Variants in ATRX observed in about 807,000 individuals in gnomAD.
ATRX encodes chromatin remodeler ATRX.
Under a neutral mutation model 172.6 loss-of-function variants are expected in ATRX, and 12 were observed. The ratio of observed to expected loss-of-function variants is 0.07; its 90% CI spans 0.04 to 0.11. The LOEUF (loss-of-function observed/expected upper bound fraction) is 0.11, where lower values mean the gene tolerates loss of function less well. Ranked by LOEUF, ATRX falls within the 10% of genes least tolerant of loss-of-function variation. ATRX has a pLI of 1.00. For missense variants in ATRX, 1,368 were observed against 1,767.4 expected, an observed-to-expected ratio of 0.77 and a Z score of 4.05; for synonymous variants, 674 against 594.7, an observed-to-expected ratio of 1.13 and a Z score of -1.94.
chrX:77,758,424 G>A (rs1172350110), intron 1 of ATRX, among the ~76,000 whole-genome samples: 1 of 105,961 alleles, frequency 9.4e-6, no homozygotes, highest in East Asian at 3.0e-4. Context: ...GTGCAAAATA[G>A]AAGTTACCTA....
At chrX:77,663,825 G>A (rs1260097079) in intron 11 of ATRX, among the ~76,000 whole-genome samples, 1 of 111,552 alleles carries the variant, frequency 9.0e-6, no homozygotes, top group African/African-American at 3.3e-5. Flanking sequence ...TTTAGGGCCG[G>A]GTGCAGTGGC....
chrX:77,649,191 G>A (rs187536883), intron 15 of ATRX, among the ~76,000 whole-genome samples: 2 of 109,537 alleles, frequency 1.8e-5, no homozygotes, highest in East Asian at 2.9e-4. Context: ...AGAAAGAAAG[G>A]AAGGAAGGAA....
chrX:77,579,777 A>T (rs1262247616), intron 27 of ATRX, among the ~76,000 whole-genome samples: 1 of 112,303 alleles, frequency 8.9e-6, no homozygotes, highest in Non-Finnish European at 1.9e-5. Flanking sequence ...CATAAGCATC[A>T]AGACCATTTA....
Position 77,718,389 on chromosome X carries a change from T to A in ATRX, c.21-1146A>T, listed in dbSNP as rs45593036. Among the ~76,000 whole-genome samples the A allele has an allele frequency of 2.7e-4, 28 of 102,857 alleles. No individual in the cohort carries two copies. In the East Asian group the frequency reaches 3.0e-3, roughly 11 times the overall value. The allele number at this position is 102,857 out of a possible 115,157, so 89.3% of individuals were successfully genotyped here. On this transcript the variant is annotated intron_variant, in intron 1 of 34. Transcript: ENST00000373344. The stretch of plus-strand genomic sequence containing the variant: ...AACTCTTTTTTTTTTTTTTTTTTTT[T>A]AAAAGACGGAGTCTTGCTCTGTCAC...
intron 28 of ATRX, among the ~76,000 whole-genome samples, chrX:77,569,947 A>T (rs1399966946): frequency 8.9e-6 from 1 of 112,151 alleles, no homozygotes; most frequent in Non-Finnish European, 1.9e-5. Context: ...TCATATAAAA[A>T]TAGCTAAAAC....
At chrX:77,574,399 T>A (rs372217145) in intron 27 of ATRX, 41 bp from the exon 28 acceptor site, 8 of 963,649 alleles carry the variant, frequency 8.3e-6, no homozygotes, top group African/African-American at 3.8e-5. Flanking sequence ...ATTTGATATA[T>A]CGCTCTGCTT....
At chrX:77,592,620 C>A (rs1238887821) in intron 26 of ATRX, among the ~76,000 whole-genome samples, 1 of 106,964 alleles carries the variant, frequency 9.3e-6, no homozygotes, top group Non-Finnish European at 1.9e-5. Context: ...CGAGACCAGC[C>A]TGACCAACAT....
intron 1 of ATRX, among the ~76,000 whole-genome samples, chrX:77,764,346 T>C (rs1252314700): frequency 9.0e-6 from 1 of 111,652 alleles, no homozygotes; most frequent in Non-Finnish European, 1.9e-5. Flanking sequence ...ATTGTACACT[T>C]AGGGTATTAA....
At position 77,506,462 on chromosome X, in the gene ATRX, T is replaced by C. The variant is rs191264448; in HGVS notation, c.*1889A>G. The C allele has an allele frequency of 1.4e-4, 24 of 173,478 alleles. No individual in the cohort carries two copies. Among genetic ancestry groups the C allele is most frequent in the East Asian group, 4.1e-4 (5 of 12,231 alleles). The allele number at this position is 173,478 out of a possible 1,213,427, so 14.3% of individuals were successfully genotyped here. A position where few individuals can be genotyped will look rare whatever the true frequency, so the allele number is the denominator to read the frequency against. ...TGTCTTTGAGTAAATAATTAGACCATGTTGAAAATTCCCAGGTCTAGTAAA... is the reference window on the plus strand; with the variant it reads ...TGTCTTTGAGTAAATAATTAGACCACGTTGAAAATTCCCAGGTCTAGTAAA... On this transcript the variant is annotated 3_prime_UTR_variant, in exon 35 of 35. Transcript: ENST00000373344.
intron 22 of ATRX, 58 bp from the exon 23 acceptor site, chrX:77,600,622 AG>A: frequency 8.7e-7 from 1 of 1,153,218 alleles, no homozygotes; most frequent in South Asian, 1.8e-5. Flanking sequence ...CCAAGTTTCT[AG>A]ATTAGGAGTT....
Position 77,626,496 on chromosome X carries a change from A to T in ATRX, c.5135-5964T>A, listed in dbSNP as rs781869577. Among the ~76,000 whole-genome samples, 5 of 111,721 alleles carry T rather than the reference A, an allele frequency of 4.5e-5. No homozygotes were observed. The South Asian group carries it at 1.9e-3, about 42-fold the overall frequency. The stretch of plus-strand genomic sequence containing the variant: ...GTGCAAACCTTGAAAGATATGACAA[A>T]TATATTACTAAATAAAAAGGAGTGT... On this transcript the variant is annotated intron_variant, in intron 19 of 34. Coordinates refer to ENST00000373344, the MANE Select transcript of ATRX (RefSeq NM_000489.6).
intron 28 of ATRX, among the ~76,000 whole-genome samples, chrX:77,565,463 T>C (rs1557064066): frequency 1.8e-5 from 2 of 111,831 alleles, no homozygotes; most frequent in Non-Finnish European, 3.8e-5. Flanking sequence ...TTTAAAGTAG[T>C]CATTATAAAA....
chrX:77,591,590 T>C (rs1334064954), intron 26 of ATRX, among the ~76,000 whole-genome samples: 1 of 111,013 alleles, frequency 9.0e-6, no homozygotes, highest in African/African-American at 3.3e-5. Context: ...TTTTTTATTG[T>C]ATGACTTCCT....
chrX:77,622,410 A>T (rs1029071995), intron 19 of ATRX, among the ~76,000 whole-genome samples: 4 of 111,200 alleles, frequency 3.6e-5, no homozygotes, highest in African/African-American at 9.8e-5. Context: ...GCTGGAGTTG[A>T]GTCAAGTTAG....
chrX:77,616,011 C>T, intron 22 of ATRX: 1 of 753,654 alleles, frequency 1.3e-6, no homozygotes. Context: ...CAGAGAGACA[C>T]AGACACACAC....
At chrX:77,739,393 A>C (rs1295390996) in intron 1 of ATRX, among the ~76,000 whole-genome samples, 1 of 108,454 alleles carries the variant, frequency 9.2e-6, no homozygotes, top group African/African-American at 3.3e-5. Flanking sequence ...AGATATATAT[A>C]TATATAATCA....
chrX:77,574,497 T>C lies in ATRX; in HGVS notation c.6218-139A>G, dbSNP rs3027538. 31 of 453,121 alleles carry C rather than the reference T, an allele frequency of 6.8e-5. 1 individual carries two copies. The highest frequency in any genetic ancestry group is 2.7e-4 in the African/African-American group (11 of 40,926). 37.3% of individuals were successfully genotyped at this position (453,121 alleles called of 1,213,427 possible). On this transcript the variant is annotated intron_variant, in intron 27 of 34. Transcript: ENST00000373344. ...TGTATAGCAAAATACATTATATACTTTTCTTAATCAAGGAGTCATTACATT... is the reference window on the plus strand; with the variant it reads ...TGTATAGCAAAATACATTATATACTCTTCTTAATCAAGGAGTCATTACATT...
At chrX:77,569,018 G>A (rs2065306511) in intron 28 of ATRX, among the ~76,000 whole-genome samples, 1 of 111,222 alleles carries the variant, frequency 9.0e-6, no homozygotes, top group South Asian at 3.8e-4. Context: ...AGAGGCTGAG[G>A]CAGGAGGATC....
intron 22 of ATRX, among the ~76,000 whole-genome samples, chrX:77,613,648 C>A (rs186846718): frequency 8.9e-6 from 1 of 112,184 alleles, no homozygotes; most frequent in Admixed American, 9.5e-5. Flanking sequence ...TTGGTATACA[C>A]AGGCAGGTCC....
Sources: gnomAD v4.1 joint callset for allele counts (sites outside exome capture counted in the v4.1 genomes callset) on GRCh38, gnomAD v4.1.1 for gene constraint, MANE v1.5 for transcripts, NCBI Gene and HGNC (gene_info 2026-07-23, HGNC 2026-07-21) for gene names.